USP34: variants seen among roughly 807,000 people sequenced by gnomAD.
USP34 encodes the protein ubiquitin carboxyl-terminal hydrolase 34.
USP34 carries 70 observed loss-of-function variants against 460.3 expected under a neutral mutation model. The observed-to-expected ratio is 0.15, with a 90% confidence interval of 0.13 to 0.19. The LOEUF (loss-of-function observed/expected upper bound fraction) is 0.19, where lower values mean the gene tolerates loss of function less well. Ranked by LOEUF, USP34 falls within the 10% of genes least tolerant of loss-of-function variation. The pLI, the probability that USP34 is intolerant of heterozygous loss-of-function variation, is 1.00. For missense variants in USP34, 3,985 were observed against 4,236.2 expected (o/e 0.94, Z 1.65); for synonymous variants, 1,647 against 1,405.3 (o/e 1.17, Z -3.85).
intron 62 of USP34, chr2:61,226,837 G>C: frequency 2.3e-6 from 1 of 435,814 alleles, no homozygotes; most frequent in Non-Finnish European, 3.9e-6. Context: ...TTTCTAACAC[G>C]ACTCATAGAT....
At position 61,350,557 on chromosome 2, in the gene USP34, G is replaced by T. The variant is rs1218870310; in HGVS notation, c.1377+11C>A. The T allele has an allele frequency of 3.8e-6, 6 of 1,582,148 alleles. No homozygotes were observed. The highest frequency in any genetic ancestry group is 5.1e-6 in the Non-Finnish European group (6 of 1,170,862). On this transcript the variant is annotated intron_variant, in intron 11 of 79. Transcript: ENST00000398571. ...GAAAAAAAAAAAACTATCATGTTTT[G>T]AATGTATTACCTGTTCAGTATGAAC...
chr2:61,315,703 G>A (rs1411221338), intron 23 of USP34, among the ~76,000 whole-genome samples: 12 of 152,042 alleles, frequency 7.9e-5, no homozygotes, highest in Non-Finnish European at 1.5e-5. Context: ...TCAACCATGA[G>A]ATGACAACAA....
At position 61,311,618 on chromosome 2, in the gene USP34, T is replaced by G; in HGVS notation, c.3739A>C (p.Asn1247His). ...TGATTTATTTGTTCTTTCTGTAAAT[T>G]TTCATACCAATGAGTTACTTCAGCC... ...LRAEVTHWYENLQKEQINQQA... is the reference protein window; with the variant it reads ...LRAEVTHWYEHLQKEQINQQA... The change falls in exon 27 of 80, where the codon AAT becomes CAT. Residue 1247 changes from asparagine (N) to histidine (H), a missense_variant. Asn to His is a moderately conservative substitution (Grantham distance 68, BLOSUM62 1). Transcript: ENST00000398571. The G allele has an allele frequency of 6.2e-7, 1 of 1,613,652 alleles. No homozygotes were observed.
intron 1 of USP34, among the ~76,000 whole-genome samples, chr2:61,451,908 G>C (rs1417447366): frequency 6.6e-6 from 1 of 152,162 alleles, no homozygotes; most frequent in Non-Finnish European, 1.5e-5. Flanking sequence ...GGGCGCAGTG[G>C]CTCACGCCTG....
In USP34 at chr2:61,214,303, T is replaced by C. The variant is rs142138236; in HGVS notation, c.8439A>G (p.Pro2813=). Residue 2813 remains proline (P), a synonymous_variant, in exon 68 of 80, where the codon CCA becomes CCG. Transcript: ENST00000398571. ...TCTGAACAATAAGGCGGATATTCTC[T>C]GGACAGTCAGCACAGACATTGTACC... ...SFWYNVCADC[P]ENIRLIVQNP... is the part of the protein sequence containing the mutation. 6.2e-7 allele frequency: 1 copy of C among 1,614,238 alleles called. No homozygotes were observed. Among genetic ancestry groups the C allele is most frequent in the East Asian group, 2.2e-5 (1 of 44,890 alleles).
At chr2:61,225,508 C>G (rs1474052191) in intron 62 of USP34, among the ~76,000 whole-genome samples, 1 of 151,700 alleles carries the variant, frequency 6.6e-6, no homozygotes, top group Non-Finnish European at 1.5e-5. Flanking sequence ...TTATATGATA[C>G]CAAAGTTAAA....
intron 3 of USP34, among the ~76,000 whole-genome samples, chr2:61,399,709 A>G (rs1299946598): frequency 6.6e-6 from 1 of 151,758 alleles, no homozygotes; most frequent in Non-Finnish European, 1.5e-5. Flanking sequence ...CGTCTCTACT[A>G]AAAACACAAA....
At chr2:61,460,944 T>G (rs900519355) in intron 1 of USP34, among the ~76,000 whole-genome samples, 1 of 142,360 alleles carries the variant, frequency 7.0e-6, no homozygotes, top group Non-Finnish European at 1.5e-5. Flanking sequence ...ATCGCGCCAC[T>G]GCACTCCACC....
chr2:61,394,533 C>CAAAAAAAAAAAAAAAAAAAAAAAAAAAA (rs200686763), intron 5 of USP34, among the ~76,000 whole-genome samples: 1 of 110,062 alleles, frequency 9.1e-6, no homozygotes. Context: ...CCCTCTCTCT[C>CAAAAAAAAAAAAAAAAAAAAAAAAAAAA]AAAAAAAAAA....
intron 39 of USP34, 52 bp from the exon 40 acceptor site, chr2:61,278,495 C>A (rs920650279): frequency 6.1e-6 from 8 of 1,317,248 alleles, no homozygotes; most frequent in South Asian, 1.5e-5. Flanking sequence ...TATGTTTTAC[C>A]AAACATAAAA....
At chr2:61,328,733 C>T (rs1294181540) in intron 20 of USP34, among the ~76,000 whole-genome samples, 4 of 152,216 alleles carry the variant, frequency 2.6e-5, no homozygotes, top group Admixed American at 6.5e-5. Flanking sequence ...AAGTGAGTAA[C>T]TTCACTGTTG....
intron 10 of USP34, among the ~76,000 whole-genome samples, chr2:61,368,996 A>T (rs1343282841): frequency 6.6e-6 from 1 of 152,200 alleles, no homozygotes; most frequent in Admixed American, 6.5e-5. Context: ...AATAAGAAAA[A>T]CAATTGATAA....
intron 1 of USP34, among the ~76,000 whole-genome samples, chr2:61,450,066 A>AAAAAAT (rs1483617275): frequency 4.8e-5 from 7 of 146,390 alleles, no homozygotes; most frequent in African/African-American, 1.8e-4. Context: ...ACTCTGTCTC[A>AAAAAAT]AAAAATAAAA....
intron 48 of USP34, among the ~76,000 whole-genome samples, chr2:61,254,810 T>C (rs762024082): frequency 2.0e-4 from 31 of 152,160 alleles, no homozygotes; most frequent in Non-Finnish European, 4.0e-4. Flanking sequence ...GGGAAAAAAT[T>C]GTATAATGTT....
intron 70 of USP34, chr2:61,208,054 C>G (rs146111034): frequency 1.9e-4 from 29 of 152,432 alleles, no homozygotes; most frequent in African/African-American, 6.7e-4. Context: ...GCATAAACAG[C>G]TGATTTTAAC....
At chr2:61,425,076 C>T (rs1211662733) in intron 1 of USP34, among the ~76,000 whole-genome samples, 1 of 152,134 alleles carries the variant, frequency 6.6e-6, no homozygotes, top group Non-Finnish European at 1.5e-5. Context: ...CCTTGGCCTC[C>T]TGGGATTACA....
At chr2:61,211,711 C>T in intron 69 of USP34, 61 bp downstream of exon 69, 1 of 1,443,776 alleles carries the variant, frequency 6.9e-7, no homozygotes, top group Non-Finnish European at 9.1e-7. Context: ...CTTTAAACAT[C>T]AAAAGGATGG....
At chr2:61,400,221 C>A (rs905768862) in intron 3 of USP34, among the ~76,000 whole-genome samples, 9 of 151,798 alleles carry the variant, frequency 5.9e-5, no homozygotes, top group Admixed American at 5.9e-4. Flanking sequence ...GCCATTCTCC[C>A]GCCTCAGCCT....
At chr2:61,349,140 A>G in intron 13 of USP34, 110 bp downstream of exon 13, 1 of 1,343,026 alleles carries the variant, frequency 7.4e-7, no homozygotes, top group Non-Finnish European at 1.0e-6. Flanking sequence ...TCTCCTCAAA[A>G]TGAACTTTAT....
Sources: gnomAD v4.1 joint callset for allele counts (sites outside exome capture counted in the v4.1 genomes callset) on GRCh38, gnomAD v4.1.1 for gene constraint, MANE v1.5 for transcripts, NCBI Gene and HGNC (gene_info 2026-07-23, HGNC 2026-07-21) for gene names.